ETV3L: variants seen among roughly 807,000 people sequenced by gnomAD.
ETV3L encodes ETS translocation variant 3-like protein.
ETV3L carries 30 observed loss-of-function variants against 27.6 expected under a neutral mutation model. The ratio of observed to expected loss-of-function variants is 1.09; its 90% CI spans 0.81 to 1.48. The LOEUF (loss-of-function observed/expected upper bound fraction) is 1.48, where lower values mean the gene tolerates loss of function less well. Among genes scored for constraint, ETV3L ranks in the 40% most tolerant of loss-of-function variants. ETV3L has a pLI of 0.00. For synonymous variants in ETV3L, 186 were observed against 188.9 expected, an observed-to-expected ratio of 0.98 and a Z score of 0.12; for missense variants, 443 against 455.6, an observed-to-expected ratio of 0.97 and a Z score of 0.25.
chr1:157,099,083 C>T (rs1674287464), intron 2 of ETV3L, 58 bp downstream of exon 2: 1 of 1,599,890 alleles, frequency 6.3e-7, no homozygotes. Context: ...GTACCAGAAA[C>T]CACGGCCCTT....
chr1:157,092,578 C>G lies in ETV3L; in HGVS notation c.*71G>C. On this transcript the variant is annotated 3_prime_UTR_variant, in exon 5 of 5. Transcript: ENST00000454449. The stretch of plus-strand genomic sequence containing the variant: ...TGTCCAGCCAGGGGAAGGGGCTAAC[C>G]CAGAGGCGGTGGGCAAGAGGAGAGA... 1 of 1,360,808 alleles carries G rather than the reference C, an allele frequency of 7.3e-7. No individual in the cohort carries two copies. The highest frequency in any genetic ancestry group is 1.4e-5 in the South Asian group (1 of 71,968). The allele number at this position is 1,360,808 out of a possible 1,614,324, so 84.3% of individuals were successfully genotyped here.
At chr1:157,095,166 A>G (rs1183850673) in intron 4 of ETV3L, among the ~76,000 whole-genome samples, 2 of 152,008 alleles carry the variant, frequency 1.3e-5, no homozygotes, top group Admixed American at 1.3e-4. Flanking sequence ...GGGGCTCCTG[A>G]GGGCATGTGG....
Position 157,093,088 on chromosome 1 carries a change from CA to C in ETV3L, c.646del (p.Cys216AlafsTer97). 6.8e-7 allele frequency: 1 copy of C among 1,480,148 alleles called. No homozygotes were observed. 91.7% of individuals were successfully genotyped at this position (1,480,148 alleles called of 1,614,324 possible). On this transcript the variant is annotated frameshift_variant, in exon 5 of 5. Coordinates refer to ENST00000454449, the MANE Select transcript of ETV3L (RefSeq NM_001004341.2). LOFTEE classifies it low-confidence loss of function (END_TRUNC). ...GCCTTGGACGCTCCCCAAATGGCAG[CA>C]AAGGCCCAGCCGGCAGGGGCCTGGG... ...SAPGPCRLGL[C>X]CHLGSVQGEL...
intron 4 of ETV3L, among the ~76,000 whole-genome samples, chr1:157,097,353 G>A (rs556614518): frequency 6.7e-5 from 10 of 150,204 alleles, no homozygotes; most frequent in East Asian, 2.0e-4. Flanking sequence ...CATGTCTGTA[G>A]TCCCAGCTAC....
intron 4 of ETV3L, among the ~76,000 whole-genome samples, chr1:157,093,485 C>CT (rs1173349419): frequency 1.3e-5 from 2 of 150,772 alleles, no homozygotes; most frequent in African/African-American, 2.4e-5. Context: ...TTTCTTTTTT[C>CT]TTTTTTTTCT....
At chr1:157,099,002 C>T (rs547827441) in intron 2 of ETV3L, 107 bp from the exon 3 acceptor site, 75 of 1,486,100 alleles carry the variant, frequency 5.0e-5, no homozygotes, top group African/African-American at 1.9e-4. Context: ...AGCTGTTCCC[C>T]GAGAACCACT....
chr1:157,098,936 C>A, intron 2 of ETV3L, 41 bp from the exon 3 acceptor site: 2 of 1,574,050 alleles, frequency 1.3e-6, no homozygotes, highest in South Asian at 2.3e-5. Context: ...GCCCAGCAGT[C>A]AGAGAATAGA....
Position 157,099,482 on chromosome 1 carries a change from G to C in ETV3L, c.42C>G (p.Pro14=). 1 of 1,613,546 alleles carries C rather than the reference G, an allele frequency of 6.2e-7. No homozygotes were observed. The highest frequency in any genetic ancestry group is 8.5e-7 in the Non-Finnish European group (1 of 1,179,832). The change falls in exon 1 of 5, where the codon CCC becomes CCG. Residue 14 remains proline, a synonymous_variant. Transcript: ENST00000454449. ...SCLAEGIPAN[P]GNWISGLAFP... The stretch of plus-strand genomic sequence containing the variant: ...GAGGCTCACCTGAGATCCAGTTGCC[G>C]GGGTTGGCTGGGATGCCCTCAGCCA...
At position 157,092,887 on chromosome 1, in the gene ETV3L, A is replaced by G. The variant is rs776676105; in HGVS notation, c.848T>C (p.Phe283Ser). 2.2e-5 allele frequency: 35 copies of G among 1,613,896 alleles called. No individual in the cohort carries two copies. The highest frequency in any genetic ancestry group is 3.0e-5 in the Non-Finnish European group (35 of 1,179,924). ...GPRSLPGAWH[F>S]PGLPLLAGLG... ...CCCTGCCAAGAGAGGAAGCCCTGGA[A>G]AATGCCAGGCCCCTGGGAGGCTCCT... The change falls in exon 5 of 5, where the codon TTT becomes TCT. Residue 283 changes from phenylalanine to serine, a missense_variant. By Grantham distance (155) the Phe-to-Ser change is radical. Coordinates refer to ENST00000454449, the MANE Select transcript of ETV3L (RefSeq NM_001004341.2).
At chr1:157,097,675 G>A (rs1001654696) in intron 4 of ETV3L, among the ~76,000 whole-genome samples, 193 bp downstream of exon 4, 26 of 152,160 alleles carry the variant, frequency 1.7e-4, no homozygotes, top group Admixed American at 6.5e-4. Context: ...ACTAGGTTCT[G>A]AGCCTCTTGA....
chr1:157,097,744 C>T (rs1346076235), intron 4 of ETV3L, 124 bp downstream of exon 4: 3 of 1,238,202 alleles, frequency 2.4e-6, no homozygotes, highest in Non-Finnish European at 3.4e-6. Context: ...AAATGTTGGT[C>T]GAATGAATGA....
Position 157,097,927 on chromosome 1 carries a change from G to C in ETV3L, c.548C>G (p.Thr183Ser), listed in dbSNP as rs148705550. The C allele has an allele frequency of 1.4e-3, 2,281 of 1,613,778 alleles. 4 individuals carry two copies. The highest frequency in any genetic ancestry group is 1.6e-3 in the Non-Finnish European group (1,870 of 1,179,906). The part of the protein sequence containing the change: ...AMVEQLTGQQ[T>S]PRGPPETSGD... Reference sequence around the variant, plus strand: ...AGAGGTCTCTGGTGGCCCTCGGGGGGTCTGCTGTCCTGTCAGCTGCTCCAC... The same window carrying C: ...AGAGGTCTCTGGTGGCCCTCGGGGGCTCTGCTGTCCTGTCAGCTGCTCCAC... Residue 183 changes from threonine to serine, a missense_variant, in exon 4 of 5, where the codon ACC becomes AGC. Coordinates refer to ENST00000454449, the MANE Select transcript of ETV3L (RefSeq NM_001004341.2).
At chr1:157,097,590 G>A (rs1674254231) in intron 4 of ETV3L, among the ~76,000 whole-genome samples, 1 of 152,106 alleles carries the variant, frequency 6.6e-6, no homozygotes, top group African/African-American at 2.4e-5. Flanking sequence ...CCTTCTCTGG[G>A]CCTGAATGCA....
intron 4 of ETV3L, among the ~76,000 whole-genome samples, chr1:157,097,462 CT>C (rs1419649238): frequency 1.8e-5 from 2 of 114,116 alleles, no homozygotes; most frequent in African/African-American, 6.9e-5. Flanking sequence ...AACACTGAGA[CT>C]CCGTCTCAAA....
At chr1:157,098,566 G>A (rs1674277273) in intron 3 of ETV3L, 140 bp downstream of exon 3, 2 of 764,490 alleles carry the variant, frequency 2.6e-6, no homozygotes, top group Non-Finnish European at 2.0e-6. Context: ...TGCCTCTGGG[G>A]CACTCAGGGT....
Position 157,098,680 on chromosome 1 carries a change from G to T in ETV3L, c.486+26C>A, listed in dbSNP as rs776843674. 5.2e-6 allele frequency: 8 copies of T among 1,544,382 alleles called. No individual in the cohort carries two copies. In the South Asian group the frequency reaches 1.0e-4, roughly 19 times the overall value. ...GAGGGGTAGGACCTGGTGGAGCCCT[G>T]AGACAGGGGCCACCTCCGCTCTTAC... On this transcript the variant is annotated intron_variant, in intron 3 of 4. Transcript: ENST00000454449.
chr1:157,098,729 C>T lies in ETV3L; in HGVS notation c.463G>A (p.Val155Met). 6.2e-7 allele frequency: 1 copy of T among 1,608,522 alleles called. No homozygotes were observed. The highest frequency in any genetic ancestry group is 8.5e-7 in the Non-Finnish European group (1 of 1,177,354). ...ACCTCACTCTGCACACCCACGGGCA[C>T]CAGCGCTGGCCGACACAGGGCAGGG... ...GAPALCRPAL[V>M]PVGVQSELLH... Residue 155 changes from valine to methionine, a missense_variant, in exon 3 of 5, where the codon GTG becomes ATG. Transcript: ENST00000454449.
intron 4 of ETV3L, among the ~76,000 whole-genome samples, chr1:157,093,757 T>G (rs1391407354): frequency 6.6e-6 from 1 of 152,162 alleles, no homozygotes; most frequent in Non-Finnish European, 1.5e-5. Flanking sequence ...CGTCCCAAAG[T>G]GCTGGGATTA....
rs371535253 is a variant in ETV3L at position 157,093,359 on chromosome 1, G to A, written c.608-232C>T. 1.5e-3 allele frequency among the ~76,000 whole-genome samples: 224 copies of A among 152,258 alleles called. 7 individuals are homozygous for A. In the South Asian group the frequency reaches 0.045, roughly 30 times the overall value. ...TCAAACGATCCTCCCACCTCAGCTTGCTGAGTAGCTGGGACTACAGGTGCG... is the reference window on the plus strand; with the variant it reads ...TCAAACGATCCTCCCACCTCAGCTTACTGAGTAGCTGGGACTACAGGTGCG... On this transcript the variant is annotated intron_variant, in intron 4 of 4. Transcript: ENST00000454449.
Sources: allele counts gnomAD v4.1 joint callset (sites outside exome capture counted in the v4.1 genomes callset), GRCh38; gene constraint gnomAD v4.1.1; transcripts MANE v1.5; gene names NCBI Gene and HGNC (gene_info 2026-07-23, HGNC 2026-07-21).